SEZ6: variants seen among roughly 807,000 people sequenced by gnomAD.
The protein encoded by SEZ6 is seizure protein 6 homolog.
Under a neutral mutation model 101.0 loss-of-function variants are expected in SEZ6, and 53 were observed. The observed-to-expected ratio is 0.52, with a 90% CI of 0.42 to 0.66. The LOEUF is 0.66. Ranked by LOEUF, SEZ6 falls within the 30% of genes least tolerant of loss-of-function variation. SEZ6 has a pLI of 0.00. For missense variants in SEZ6, 1,102 were observed against 1,289.4 expected (o/e 0.85, Z 2.23); for synonymous variants, 488 against 512.2 (o/e 0.95, Z 0.64).
chr17:28,974,494 C>T (rs1488326481), intron 3 of SEZ6, among the ~76,000 whole-genome samples: 1 of 152,222 alleles, frequency 6.6e-6, no homozygotes. Context: ...CAAGAACCTT[C>T]GCAGTTTTCA....
intron 1 of SEZ6, among the ~76,000 whole-genome samples, chr17:29,001,921 A>G (rs2041620093): frequency 6.6e-6 from 1 of 152,192 alleles, no homozygotes; most frequent in Non-Finnish European, 1.5e-5. Context: ...CTCCTGTGCT[A>G]TAAGGCATGG....
chr17:28,976,792 G>C lies in SEZ6; in HGVS notation c.858+2888C>G, dbSNP rs189489362. Among the ~76,000 whole-genome samples the C allele has an allele frequency of 5.5e-3, 835 of 152,316 alleles. 8 individuals carry two copies. The highest frequency in any genetic ancestry group is 0.019 in the African/African-American group (788 of 41,566). ...AGCCAGGGCAGCCTTCAAGGGCCAG[G>C]CCTGCCGCACCTGCTGCTGCCCAGG... On this transcript the variant is annotated intron_variant, in intron 3 of 16. Transcript: ENST00000317338.
In SEZ6 at chr17:28,981,843, T is replaced by G; in HGVS notation, c.252A>C (p.Gly84=). The change falls in exon 2 of 17, where the codon GGA becomes GGC. Residue 84 remains glycine, a synonymous_variant. Coordinates refer to ENST00000317338, the MANE Select transcript of SEZ6 (RefSeq NM_178860.5). The part of the protein sequence containing the change: ...EEFLQEGLEK[G]DEELRPALPF... ...GCAGTGCTGGCCTCAGCTCCTCATCTCCCTTTTCCAGCCCCTCTTGTAGGA... is the reference window on the plus strand; with the variant it reads ...GCAGTGCTGGCCTCAGCTCCTCATCGCCCTTTTCCAGCCCCTCTTGTAGGA... 6.2e-7 allele frequency: 1 copy of G among 1,613,888 alleles called. No homozygotes were observed. The highest frequency in any genetic ancestry group is 8.5e-7 in the Non-Finnish European group (1 of 1,179,856).
intron 1 of SEZ6, among the ~76,000 whole-genome samples, chr17:28,994,299 G>A (rs1334651905): frequency 2.0e-5 from 3 of 151,604 alleles, no homozygotes; most frequent in East Asian, 1.9e-4. Flanking sequence ...TTTTGGAGAC[G>A]GAGTCTCACT....
intron 3 of SEZ6, among the ~76,000 whole-genome samples, chr17:28,979,364 A>G (rs891127469): frequency 2.0e-5 from 3 of 152,180 alleles, no homozygotes; most frequent in African/African-American, 7.2e-5. Context: ...GTGAAGCTCC[A>G]TGACTCTCTC....
At chr17:28,985,924 A>G (rs1362270340) in intron 1 of SEZ6, among the ~76,000 whole-genome samples, 4 of 152,246 alleles carry the variant, frequency 2.6e-5, no homozygotes, top group African/African-American at 7.2e-5. Flanking sequence ...CACAGGATGC[A>G]CTCCGCAGTT....
intron 6 of SEZ6, 55 bp from the exon 7 acceptor site, chr17:28,960,726 G>A: frequency 6.2e-7 from 1 of 1,611,918 alleles, no homozygotes. Flanking sequence ...GATGGGGTGT[G>A]GCCCCAGGCT....
intron 3 of SEZ6, among the ~76,000 whole-genome samples, chr17:28,975,712 G>T (rs2041211651): frequency 6.6e-6 from 1 of 152,224 alleles, no homozygotes; most frequent in Non-Finnish European, 1.5e-5. Flanking sequence ...ATCAGGCCTG[G>T]TCCTGACACG....
intron 1 of SEZ6, among the ~76,000 whole-genome samples, chr17:28,999,454 A>T (rs924109226): frequency 5.9e-5 from 9 of 152,100 alleles, no homozygotes; most frequent in Non-Finnish European, 1.3e-4. Context: ...CCTGCCAGCA[A>T]GGCTGCAGGC....
At chr17:28,993,215 T>C (rs1188510423) in intron 1 of SEZ6, among the ~76,000 whole-genome samples, 7 of 152,040 alleles carry the variant, frequency 4.6e-5, no homozygotes, top group African/African-American at 1.7e-4. Flanking sequence ...GAGTCCTAGG[T>C]AGGGCTGGAG....
Position 28,959,978 on chromosome 17 carries a change from CCTTT to C in SEZ6, c.1577-90_1577-87del. On this transcript the variant is annotated intron_variant, in intron 7 of 16. Transcript: ENST00000317338. The surrounding 1 kb of genome is among the most constrained non-coding windows in gnomAD (Gnocchi z 4.4). ...CATCCCCCTACTTCCCTCCCCAGAG[CCTTT>C]CTTTTCCTGGGTACGAATGACAAAT... 1.4e-6 allele frequency: 2 copies of C among 1,385,932 alleles called. No individual in the cohort carries two copies. Among genetic ancestry groups the C allele is most frequent in the Non-Finnish European group, 2.0e-6 (2 of 1,017,408 alleles). 85.9% of individuals were successfully genotyped at this position (1,385,932 alleles called of 1,614,324 possible).
intron 14 of SEZ6, 115 bp from the exon 15 acceptor site, chr17:28,956,582 G>A: frequency 6.8e-7 from 1 of 1,478,288 alleles, no homozygotes; most frequent in Non-Finnish European, 9.2e-7. Flanking sequence ...GCTGGGTGTA[G>A]GGAAGGAGCT....
chr17:28,998,758 C>A (rs557902698), intron 1 of SEZ6, among the ~76,000 whole-genome samples: 8 of 152,276 alleles, frequency 5.3e-5, no homozygotes, highest in South Asian at 2.1e-4. Context: ...TGATGAAGGG[C>A]ACCCATCATG....
At chr17:28,966,055 A>G (rs1163345757) in intron 4 of SEZ6, among the ~76,000 whole-genome samples, 2 of 151,852 alleles carry the variant, frequency 1.3e-5, no homozygotes, top group Non-Finnish European at 2.9e-5. Context: ...AGGCAGGAGA[A>G]TCGCTTGGAC....
chr17:28,963,129 A>G (rs1423748656), intron 5 of SEZ6, among the ~76,000 whole-genome samples: 2 of 66,490 alleles, frequency 3.0e-5, no homozygotes, highest in East Asian at 2.8e-4. Context: ...GTCTCGAAGA[A>G]AAAAAAAAAA....
chr17:28,982,238 T>C (rs970027325), intron 1 of SEZ6, among the ~76,000 whole-genome samples, 199 bp from the exon 2 acceptor site: 1 of 152,182 alleles, frequency 6.6e-6, no homozygotes, highest in Non-Finnish European at 1.5e-5. Context: ...GCACATGAGA[T>C]ACTCTTTCTC....
intron 4 of SEZ6, among the ~76,000 whole-genome samples, chr17:28,965,350 C>T (rs536367643): frequency 6.6e-5 from 10 of 151,564 alleles, no homozygotes; most frequent in African/African-American, 2.4e-4. Context: ...GAGACTTCAT[C>T]TCAAAAAAAC....
chr17:28,971,157 C>G (rs2041146248), intron 3 of SEZ6, among the ~76,000 whole-genome samples: 1 of 152,228 alleles, frequency 6.6e-6, no homozygotes, highest in South Asian at 2.1e-4. Flanking sequence ...GGACCTCATC[C>G]TAACCATGTG....
At chr17:28,958,427 G>A (rs895226438) in intron 10 of SEZ6, among the ~76,000 whole-genome samples, 6 of 152,190 alleles carry the variant, frequency 3.9e-5, no homozygotes, top group Non-Finnish European at 5.9e-5. Flanking sequence ...GAGGGAAATC[G>A]TCACTTCTAT....
Sources: gnomAD v4.1 joint callset for allele counts (sites outside exome capture counted in the v4.1 genomes callset) on GRCh38, gnomAD v4.1.1 for gene constraint, Gnocchi (gnomAD v3.1) non-coding constraint, MANE v1.5 for transcripts, NCBI Gene and HGNC (gene_info 2026-07-23, HGNC 2026-07-21) for gene names.